BRD3: variants seen among roughly 807,000 people sequenced by gnomAD.
BRD3 encodes the protein bromodomain containing 3.
In BRD3, 17 loss-of-function variants were observed where a neutral mutation model predicts 66.8. The ratio of observed to expected loss-of-function variants is 0.25; its 90% CI spans 0.17 to 0.38. The LOEUF (loss-of-function observed/expected upper bound fraction) is 0.38, where lower values mean the gene tolerates loss of function less well. Ranked by LOEUF, BRD3 falls within the 10% of genes least tolerant of loss-of-function variation. The pLI is 1.00. For synonymous variants in BRD3, 421 were observed against 393.2 expected (o/e 1.07, Z -0.84); for missense variants, 713 against 956.1 (o/e 0.75, Z 3.35).
At chr9:134,057,971 CT>C (rs900906566) in intron 1 of BRD3, 54 of 152,484 alleles carry the variant, frequency 3.5e-4, no homozygotes, top group African/African-American at 1.2e-3. Flanking sequence ...AGGGGCCCCC[CT>C]GGGGTCTGCA....
rs1209347900 is a variant in BRD3 at position 134,053,403 on chromosome 9, C to T, written c.75G>A (p.Glu25=). The T allele has an allele frequency of 1.2e-6, 2 of 1,612,484 alleles. No individual in the cohort carries two copies. Among genetic ancestry groups the T allele is most frequent in the African/African-American group, 2.7e-5 (2 of 74,920 alleles). The change falls in exon 2 of 12, where the codon GAG becomes GAA. Residue 25 remains glutamate, a synonymous_variant. Transcript: ENST00000303407. ...TPGPVNPPPP[E]VSNPSKPGRK... Reference sequence around the variant, plus strand: ...GGCCGGGCTTGCTGGGGTTGGAGACCTCCGGGGGGGGTGGGTTCACAGGGC... The same window carrying T: ...GGCCGGGCTTGCTGGGGTTGGAGACTTCCGGGGGGGGTGGGTTCACAGGGC...
chr9:134,047,783 C>T (rs1830206446), intron 6 of BRD3, among the ~76,000 whole-genome samples: 1 of 152,194 alleles, frequency 6.6e-6, no homozygotes, highest in South Asian at 2.1e-4. Flanking sequence ...CTCTAGGGAC[C>T]CCCTGACCTG....
At chr9:134,043,458 C>T (rs1025549565) in intron 7 of BRD3, among the ~76,000 whole-genome samples, 11 of 152,210 alleles carry the variant, frequency 7.2e-5, no homozygotes, top group East Asian at 1.9e-4. Flanking sequence ...CGTCTGCTCA[C>T]GTGACATGCC....
At position 134,050,451 on chromosome 9, in the gene BRD3, C is replaced by G. The variant is rs199611088; in HGVS notation, c.637G>C (p.Val213Leu). The G allele has an allele frequency of 6.2e-6, 10 of 1,612,114 alleles. No homozygotes were observed. The highest frequency in any genetic ancestry group is 7.6e-6 in the Non-Finnish European group (9 of 1,179,544). ...GGAGGTGGGGCGGCAGCTGGGGGGA[C>G]TGGGACCGACGTGACGTTTGCAGTG... ...TITANVTSVP[V>L]PPAAAPPPPA... Residue 213 changes from valine to leucine, a missense_variant, in exon 5 of 12, where the codon GTC (valine) becomes CTC (leucine). By Grantham distance (32) the Val-to-Leu change is conservative (BLOSUM62 1). Transcript: ENST00000303407.
intron 3 of BRD3, among the ~76,000 whole-genome samples, 177 bp from the exon 4 acceptor site, chr9:134,051,886 T>G (rs57315121): frequency 0.044 from 2,418 of 54,804 alleles, 120 homozygotes; most frequent in African/African-American, 0.16. Context: ...TGTTGTTTTT[T>G]TTGTTTTTTT....
At chr9:134,037,430 G>C (rs1224077859) in intron 9 of BRD3, among the ~76,000 whole-genome samples, 6 of 152,090 alleles carry the variant, frequency 3.9e-5, no homozygotes, top group African/African-American at 1.4e-4. Flanking sequence ...AATGAGCCAG[G>C]CACGGTGGCG....
At chr9:134,049,438 G>C (rs532992354) in intron 5 of BRD3, among the ~76,000 whole-genome samples, 27 of 152,346 alleles carry the variant, frequency 1.8e-4, no homozygotes, top group Admixed American at 5.9e-4. Flanking sequence ...GCCGCCCTCA[G>C]ACTGGCAGGG....
chr9:134,059,221 T>C (rs1404356304), intron 1 of BRD3, among the ~76,000 whole-genome samples: 1 of 152,202 alleles, frequency 6.6e-6, no homozygotes, highest in African/African-American at 2.4e-5. Flanking sequence ...CCGCGGAAGC[T>C]GCTCAGAGGG....
rs10636879 is a variant in BRD3, at chr9:134,032,439, CAAAAAAAAAAA to C, written c.*1140_*1150del. On this transcript the variant is annotated 3_prime_UTR_variant, in exon 12 of 12. Coordinates refer to ENST00000303407, the MANE Select transcript of BRD3 (RefSeq NM_007371.4). ...TACCTGTAAGCCTCCAAGTTTCATA[CAAAAAAAAAAA>C]AAAAAAAAAACCACAAAGAAAAAAA... 5.4e-5 allele frequency: 6 copies of C among 110,598 alleles called. No homozygotes were observed. The highest frequency in any genetic ancestry group is 2.4e-4 in the African/African-American group (5 of 20,610). 6.9% of individuals were successfully genotyped at this position (110,598 alleles called of 1,614,324 possible).
intron 1 of BRD3, chr9:134,054,010 G>A (rs1289715567): frequency 6.2e-5 from 10 of 161,208 alleles, no homozygotes; most frequent in Non-Finnish European, 2.7e-5. Flanking sequence ...ATGTACTGAA[G>A]AGTGACCCAT....
intron 1 of BRD3, among the ~76,000 whole-genome samples, chr9:134,066,190 G>A (rs1215538640): frequency 6.6e-6 from 1 of 152,240 alleles, no homozygotes; most frequent in East Asian, 1.9e-4. Flanking sequence ...CCAGGCACCC[G>A]GTGCCCTGCT....
chr9:134,067,277 G>C (rs1187580071), intron 1 of BRD3, among the ~76,000 whole-genome samples: 1 of 151,834 alleles, frequency 6.6e-6, no homozygotes, highest in African/African-American at 2.4e-5. Flanking sequence ...GGCAACTCAG[G>C]GGGGCTCAAA....
intron 1 of BRD3, among the ~76,000 whole-genome samples, chr9:134,061,866 G>A (rs1312100371): frequency 1.3e-5 from 2 of 152,196 alleles, no homozygotes; most frequent in Non-Finnish European, 2.9e-5. Flanking sequence ...ATCGGCTGTG[G>A]CAGGAGGGAG....
At chr9:134,035,281 C>T (rs1054388564) in intron 10 of BRD3, among the ~76,000 whole-genome samples, 1 of 152,206 alleles carries the variant, frequency 6.6e-6, no homozygotes, top group South Asian at 2.1e-4. Context: ...GACCCGGTGA[C>T]TTACCGTGGG....
chr9:134,054,598 TAGAC>T (rs1564557656), intron 1 of BRD3: 1 of 152,278 alleles, frequency 6.6e-6, no homozygotes, highest in Non-Finnish European at 1.5e-5. Flanking sequence ...AACTGACAGT[TAGAC>T]AGGTCACGGC....
At chr9:134,036,724 T>G in intron 9 of BRD3, 1 of 871,698 alleles carries the variant, frequency 1.1e-6, no homozygotes, top group Non-Finnish European at 1.8e-6. Context: ...ATAAACGGTC[T>G]AGGGCCGGGC....
chr9:134,050,620 C>T, intron 4 of BRD3, 32 bp from the exon 5 acceptor site: 1 of 1,553,930 alleles, frequency 6.4e-7, no homozygotes, highest in Non-Finnish European at 8.8e-7. Context: ...TTCAACACAC[C>T]AGGCTCCACT....
Position 134,048,195 on chromosome 9 carries a change from T to C in BRD3, c.974A>G (p.Lys325Arg), listed in dbSNP as rs752978386. The C allele has an allele frequency of 1.2e-6, 2 of 1,612,836 alleles. No homozygotes were observed. Among genetic ancestry groups the C allele is most frequent in the Non-Finnish European group, 1.7e-6 (2 of 1,179,886 alleles). Reference protein sequence around the residue: ...CDSILREMLSKKHAAYAWPFY... With the variant: ...CDSILREMLSRKHAAYAWPFY... Reference sequence around the variant, plus strand: ...GGGCCAGGCGTAGGCCGCGTGCTTCTTGGATAGCATCTCCCTGAGGATGCT... The same window carrying C: ...GGGCCAGGCGTAGGCCGCGTGCTTCCTGGATAGCATCTCCCTGAGGATGCT... The change falls in exon 6 of 12, where the codon AAG (lysine) becomes AGG (arginine). Residue 325 changes from lysine (K) to arginine (R), a missense_variant. By Grantham distance (26) the Lys-to-Arg change is conservative. Transcript: ENST00000303407.
At position 134,033,981 on chromosome 9, in the gene BRD3, C is replaced by T. The variant is rs1224775109; in HGVS notation, c.2066-276G>A. 2.6e-5 allele frequency among the ~76,000 whole-genome samples: 4 copies of T among 152,218 alleles called. No individual in the cohort carries two copies. The highest frequency in any genetic ancestry group is 5.9e-5 in the Non-Finnish European group (4 of 68,036). On this transcript the variant is annotated intron_variant, in intron 11 of 11. Transcript: ENST00000303407. This position sits in a 1 kb window ranked among gnomAD's most constrained non-coding sequence, Gnocchi z 5.1. Reference sequence around the variant, plus strand: ...AAAACATCCACCAGTCACATGGCCACCAGCAGCGACAGGAACACCAGCTGC... The same window carrying T: ...AAAACATCCACCAGTCACATGGCCATCAGCAGCGACAGGAACACCAGCTGC...
Sources: allele counts gnomAD v4.1 joint callset (sites outside exome capture counted in the v4.1 genomes callset), GRCh38; gene constraint gnomAD v4.1.1; non-coding constraint Gnocchi (gnomAD v3.1); transcripts MANE v1.5; gene names NCBI Gene and HGNC (gene_info 2026-07-23, HGNC 2026-07-21).